The following CCDC102B variants were observed in gnomAD, a reference collection of about 807,000 sequenced individuals.
The protein encoded by CCDC102B is coiled-coil domain-containing protein 102B.
In CCDC102B, 75 loss-of-function variants were observed where a neutral mutation model predicts 57.4. That is an observed-to-expected ratio of 1.31 (90% CI 1.08 to 1.58). CCDC102B has a LOEUF of 1.58. CCDC102B is among the 40% of genes most tolerant of loss of function. The pLI, the probability that CCDC102B is intolerant of heterozygous loss-of-function variation, is 0.00. For missense variants in CCDC102B, 636 were observed against 582.6 expected (o/e 1.09, Z -0.94); for synonymous variants, 206 against 201.9 (o/e 1.02, Z -0.17).
intron 2 of CCDC102B, among the ~76,000 whole-genome samples, chr18:68,750,966 AAAAC>A (rs557937203): frequency 2.0e-5 from 3 of 152,106 alleles, no homozygotes; most frequent in African/African-American, 7.2e-5. Flanking sequence ...AAAAAAAACA[AAAAC>A]AAAGAAACAA....
rs564969806 is a variant in CCDC102B at position 69,019,500 on chromosome 18, G to T, written c.1434+8396G>T. Among the ~76,000 whole-genome samples the T allele has an allele frequency of 1.9e-3, 261 of 136,140 alleles. 1 individual carries two copies. The highest frequency in any genetic ancestry group is 0.015 in the Middle Eastern group (4 of 268). 89.3% of individuals were successfully genotyped at this position (136,140 alleles called of 152,430 possible). On this transcript the variant is annotated intron_variant, in intron 7 of 7. Coordinates refer to ENST00000360242, the MANE Select transcript of CCDC102B (RefSeq NM_024781.3). ...TAATTTTCTTATTGTGAGTGGGATT[G>T]TTTTTTATTTAATTTCTTGTTCAGA... is the stretch of plus-strand genomic sequence containing the variant.
At chr18:69,008,068 A>C (rs2051400816) in intron 6 of CCDC102B, among the ~76,000 whole-genome samples, 1 of 152,260 alleles carries the variant, frequency 6.6e-6, no homozygotes, top group Non-Finnish European at 1.5e-5. Context: ...AAAGCCATCA[A>C]CTTGCAAAGT....
intron 2 of CCDC102B, among the ~76,000 whole-genome samples, chr18:68,762,115 C>G (rs2034273749): frequency 6.6e-6 from 1 of 152,062 alleles, no homozygotes; most frequent in Non-Finnish European, 1.5e-5. Context: ...GCACAGTCAA[C>G]CATGGTTTGA....
At chr18:69,032,696 T>C (rs2052180718) in intron 7 of CCDC102B, among the ~76,000 whole-genome samples, 1 of 152,154 alleles carries the variant, frequency 6.6e-6, no homozygotes. Flanking sequence ...AAGTGATCTC[T>C]GGGATGCTGA....
intron 6 of CCDC102B, among the ~76,000 whole-genome samples, chr18:68,995,986 T>A (rs2051016489): frequency 6.6e-6 from 1 of 152,216 alleles, no homozygotes; most frequent in Non-Finnish European, 1.5e-5. Flanking sequence ...GTGACCTGGA[T>A]GTGAGACATA....
chr18:69,051,514 C>T (rs1201270295), intron 7 of CCDC102B, among the ~76,000 whole-genome samples: 2 of 151,820 alleles, frequency 1.3e-5, no homozygotes, highest in African/African-American at 4.8e-5. Context: ...AAATATAGTT[C>T]TTCATGAAAT....
At chr18:68,978,984 G>A (rs1041198426) in intron 6 of CCDC102B, among the ~76,000 whole-genome samples, 3 of 151,990 alleles carry the variant, frequency 2.0e-5, no homozygotes, top group African/African-American at 4.8e-5. Flanking sequence ...TATATACAGT[G>A]TTGTCTTATT....
At chr18:68,956,468 T>TAA (rs2049879336) in intron 6 of CCDC102B, among the ~76,000 whole-genome samples, 1 of 49,590 alleles carries the variant, frequency 2.0e-5, no homozygotes, top group Non-Finnish European at 3.0e-5. Context: ...ATTTTATATA[T>TAA]ATATTATATA....
intron 7 of CCDC102B, among the ~76,000 whole-genome samples, chr18:69,041,146 G>A (rs2052424280): frequency 6.6e-6 from 1 of 152,110 alleles, no homozygotes; most frequent in Admixed American, 6.6e-5. Context: ...TAAGCAGTCA[G>A]AAAGTTGAAG....
intron 4 of CCDC102B, among the ~76,000 whole-genome samples, chr18:68,850,466 G>A (rs1308398807): frequency 6.6e-6 from 1 of 151,938 alleles, no homozygotes; most frequent in Non-Finnish European, 1.5e-5. Flanking sequence ...CAAAGAAATT[G>A]GGAGAGAGGA....
At chr18:68,781,229 T>C (rs2034998256) in intron 2 of CCDC102B, among the ~76,000 whole-genome samples, 1 of 152,152 alleles carries the variant, frequency 6.6e-6, no homozygotes, top group Admixed American at 6.6e-5. Flanking sequence ...ATTTATATTT[T>C]CTGATTTATT....
chr18:68,746,548 A>C (rs2145234259), intron 2 of CCDC102B, among the ~76,000 whole-genome samples: 1 of 152,248 alleles, frequency 6.6e-6, no homozygotes, highest in African/African-American at 2.4e-5. Context: ...CTTCAGAGGT[A>C]ATAACAGCCT....
At chr18:69,024,567 A>G (rs2051932828) in intron 7 of CCDC102B, among the ~76,000 whole-genome samples, 1 of 152,078 alleles carries the variant, frequency 6.6e-6, no homozygotes, top group Non-Finnish European at 1.5e-5. Flanking sequence ...TATTGACTCT[A>G]AAGGTAAGAT....
At chr18:68,783,622 T>C (rs1568247717) in intron 2 of CCDC102B, among the ~76,000 whole-genome samples, 1 of 152,192 alleles carries the variant, frequency 6.6e-6, no homozygotes, top group Non-Finnish European at 1.5e-5. Flanking sequence ...GACAGCCTTC[T>C]CTTTCAGATA....
chr18:68,867,477 G>A (rs944594779), intron 4 of CCDC102B, among the ~76,000 whole-genome samples: 22 of 152,138 alleles, frequency 1.4e-4, no homozygotes, highest in Non-Finnish European at 1.5e-5. Context: ...GCATCCTGGG[G>A]GCTGGGGGTG....
intron 2 of CCDC102B, among the ~76,000 whole-genome samples, chr18:68,741,669 AC>A (rs2033388699): frequency 1.2e-3 from 1 of 854 alleles, no homozygotes; most frequent in African/African-American, 1.5e-3. Flanking sequence ...AAGACTGGTC[AC>A]ACACACACAC....
At chr18:68,878,895 G>A (rs1318461104) in intron 5 of CCDC102B, among the ~76,000 whole-genome samples, 5 of 152,154 alleles carry the variant, frequency 3.3e-5, no homozygotes, top group African/African-American at 7.2e-5. Context: ...ATGAAGCCAC[G>A]GACCCTCGTG....
In CCDC102B at chr18:68,836,828, C is replaced by T. The variant is rs2037394768; in HGVS notation, c.65C>T (p.Ser22Leu). Residue 22 changes from serine (S) to leucine (L), a missense_variant, in exon 2 of 8, where the codon TCA (serine) becomes TTA (leucine). Ser to Leu is a moderately radical substitution (Grantham distance 145, BLOSUM62 -2). Coordinates refer to ENST00000360242, the MANE Select transcript of CCDC102B (RefSeq NM_024781.3). Reference sequence around the variant, plus strand: ...CAGATCTTCCAGATGCAACAATCATCAATTAAGTCACGCGGCGACATGGTG... The same window carrying T: ...CAGATCTTCCAGATGCAACAATCATTAATTAAGTCACGCGGCGACATGGTG... ...ETQIFQMQQSSIKSRGDMVAP... is the reference protein window; with the variant it reads ...ETQIFQMQQSLIKSRGDMVAP... 6.2e-7 allele frequency: 1 copy of T among 1,613,808 alleles called. No homozygotes were observed. The highest frequency in any genetic ancestry group is 8.5e-7 in the Non-Finnish European group (1 of 1,179,922).
chr18:69,047,018 G>A (rs1432110647), intron 7 of CCDC102B, among the ~76,000 whole-genome samples: 1 of 152,138 alleles, frequency 6.6e-6, no homozygotes, highest in Admixed American at 6.6e-5. Flanking sequence ...ATAGTTTGAA[G>A]TTGGGTAATG....
Sources: gnomAD v4.1 joint callset for allele counts (sites outside exome capture counted in the v4.1 genomes callset) on GRCh38, gnomAD v4.1.1 for gene constraint, MANE v1.5 for transcripts, NCBI Gene and HGNC (gene_info 2026-07-23, HGNC 2026-07-21) for gene names.